The following ATP9A variants were observed in gnomAD, a reference collection of about 807,000 sequenced individuals.
ATP9A encodes probable phospholipid-transporting ATPase IIA.
Under a neutral mutation model 144.1 loss-of-function variants are expected in ATP9A, and 52 were observed. That is an observed-to-expected ratio of 0.36 (90% confidence interval 0.29 to 0.45). ATP9A has a LOEUF of 0.45. Among genes scored for constraint, ATP9A ranks in the 20% least tolerant of loss-of-function variants. ATP9A has a pLI of 1.00. For synonymous variants in ATP9A, 582 were observed against 557.4 expected (o/e 1.04, Z -0.62); for missense variants, 947 against 1,392.7 (o/e 0.68, Z 5.09).
chr20:51,639,629 G>C, intron 14 of ATP9A, 125 bp from the exon 15 acceptor site: 1 of 998,330 alleles, frequency 1.0e-6, no homozygotes, highest in South Asian at 1.7e-5. Context: ...ACTGCCCTTA[G>C]GGACGCCAAG....
intron 1 of ATP9A, among the ~76,000 whole-genome samples, chr20:51,756,911 G>A (rs879075054): frequency 6.6e-6 from 1 of 151,852 alleles, no homozygotes; most frequent in Non-Finnish European, 1.5e-5. Context: ...TTTGTTTTCG[G>A]TTTTGTTTTT....
intron 18 of ATP9A, among the ~76,000 whole-genome samples, chr20:51,623,199 T>C (rs2077233893): frequency 6.6e-6 from 1 of 152,218 alleles, no homozygotes; most frequent in Non-Finnish European, 1.5e-5. Flanking sequence ...CTAAAAATAA[T>C]ATTCTTTTTG....
intron 14 of ATP9A, among the ~76,000 whole-genome samples, chr20:51,644,928 C>T (rs1166974201): frequency 3.3e-5 from 5 of 152,132 alleles, no homozygotes; most frequent in African/African-American, 7.2e-5. Flanking sequence ...TAACTTTAAT[C>T]GAGAAAGAAT....
intron 9 of ATP9A, among the ~76,000 whole-genome samples, chr20:51,688,780 C>A (rs560814156): frequency 1.3e-5 from 2 of 152,068 alleles, no homozygotes; most frequent in Non-Finnish European, 2.9e-5. Flanking sequence ...GCTGCCTCCC[C>A]CTCTGGTACA....
intron 4 of ATP9A, 96 bp downstream of exon 4, chr20:51,712,870 C>T (rs2077645668): frequency 9.0e-7 from 1 of 1,109,300 alleles, no homozygotes; most frequent in East Asian, 2.6e-5. Context: ...CGTGGCATTC[C>T]CACACCTGCG....
chr20:51,727,190 G>A (rs1248046941), intron 2 of ATP9A, among the ~76,000 whole-genome samples: 2 of 151,284 alleles, frequency 1.3e-5, no homozygotes, highest in African/African-American at 2.4e-5. Flanking sequence ...CAAGAGAATC[G>A]CTTGAACACA....
At chr20:51,676,109 G>A (rs373987404) in intron 10 of ATP9A, 23 bp downstream of exon 10, 10 of 1,597,638 alleles carry the variant, frequency 6.3e-6, no homozygotes, top group Non-Finnish European at 8.6e-6. Flanking sequence ...GCCGGTCAAT[G>A]TACCCCATGA....
chr20:51,638,109 A>ATATATATC (rs2077302270), intron 15 of ATP9A, among the ~76,000 whole-genome samples: 2 of 84,320 alleles, frequency 2.4e-5, no homozygotes, highest in Non-Finnish European at 4.5e-5. Flanking sequence ...ATATATATAT[A>ATATATATC]TATATATATA....
chr20:51,724,111 T>C (rs1489013078), intron 3 of ATP9A, among the ~76,000 whole-genome samples: 4 of 151,834 alleles, frequency 2.6e-5, no homozygotes, highest in Non-Finnish European at 5.9e-5. Flanking sequence ...GCAGAGGTTG[T>C]GGTGAGCTGA....
At chr20:51,652,952 C>CA (rs1283098053) in intron 14 of ATP9A, among the ~76,000 whole-genome samples, 17 of 150,380 alleles carry the variant, frequency 1.1e-4, no homozygotes, top group Admixed American at 5.3e-4. Flanking sequence ...ACTAAAAATA[C>CA]AAAAAAAAAT....
intron 3 of ATP9A, among the ~76,000 whole-genome samples, chr20:51,717,646 T>G (rs570999539): frequency 6.6e-6 from 1 of 152,056 alleles, no homozygotes; most frequent in South Asian, 2.1e-4. Flanking sequence ...AAGGCCTCAG[T>G]GGAAATAAAT....
intron 13 of ATP9A, among the ~76,000 whole-genome samples, chr20:51,657,394 T>C (rs776330633): frequency 1.3e-5 from 2 of 151,690 alleles, no homozygotes; most frequent in Non-Finnish European, 2.9e-5. Context: ...ACGAGAACGA[T>C]TCTACCTGCA....
At chr20:51,702,846 G>T (rs1353549477) in intron 4 of ATP9A, among the ~76,000 whole-genome samples, 1 of 152,152 alleles carries the variant, frequency 6.6e-6, no homozygotes, top group Non-Finnish European at 1.5e-5. Flanking sequence ...GAAAGTAACA[G>T]CAGAAAGAAA....
intron 14 of ATP9A, among the ~76,000 whole-genome samples, chr20:51,652,114 G>A (rs186201024): frequency 2.6e-5 from 4 of 152,146 alleles, no homozygotes; most frequent in East Asian, 1.9e-4. Context: ...ACCCACTCTC[G>A]ACACTGTGGA....
intron 18 of ATP9A, 142 bp downstream of exon 18, chr20:51,625,050 G>A (rs62228301): frequency 0.011 from 6,207 of 585,396 alleles, 57 homozygotes; most frequent in Admixed American, 0.016. Flanking sequence ...GGCAGAAACA[G>A]TGCCTGTGGC....
chr20:51,632,923 G>GA (rs1415656257), intron 15 of ATP9A, among the ~76,000 whole-genome samples: 2 of 152,096 alleles, frequency 1.3e-5, no homozygotes, highest in Non-Finnish European at 2.9e-5. Context: ...AGGAGTTCGA[G>GA]ACCAGCCTGC....
rs1387217411 is a variant in ATP9A at position 51,611,552 on chromosome 20, T to C, written c.2572-1387A>G. On this transcript the variant is annotated intron_variant, in intron 23 of 27. Transcript: ENST00000338821. This position sits in a 1 kb window ranked among gnomAD's most constrained non-coding sequence, Gnocchi z 4.2. ...GTGCAATTCTAACTGGGACTTGCTC[T>C]CGGCCATTTTCAGCACAGTGGACAG... 6.6e-6 allele frequency among the ~76,000 whole-genome samples: 1 copy of C among 152,218 alleles called. No homozygotes were observed.
intron 1 of ATP9A, among the ~76,000 whole-genome samples, chr20:51,756,672 G>A (rs530340916): frequency 6.1e-4 from 93 of 152,202 alleles, no homozygotes; most frequent in Middle Eastern, 3.4e-3. Flanking sequence ...ATTTTAAATT[G>A]ATCACCTCTT....
rs748193747 is a variant in ATP9A at position 51,639,421 on chromosome 20, G to A, written c.1590C>T (p.Gly530=). 1.4e-5 allele frequency: 22 copies of A among 1,613,918 alleles called. No homozygotes were observed. Among genetic ancestry groups the A allele is most frequent in the African/African-American group, 8.0e-5 (6 of 74,892 alleles). ...GGATGGTGAAGTTCAGGATCTGGTC[G>A]CCAGGGGTCCTCAGCTGCATGGAAG... The part of the protein sequence containing the change: ...DQSSMQLRTP[G]DQILNFTILQ... Residue 530 remains glycine (G), a synonymous_variant, in exon 15 of 28, where the codon GGC becomes GGT. Coordinates refer to ENST00000338821, the MANE Select transcript of ATP9A (RefSeq NM_006045.3).
Sources: allele counts gnomAD v4.1 joint callset (sites outside exome capture counted in the v4.1 genomes callset), GRCh38; gene constraint gnomAD v4.1.1; non-coding constraint Gnocchi (gnomAD v3.1); transcripts MANE v1.5; gene names NCBI Gene and HGNC (gene_info 2026-07-23, HGNC 2026-07-21).